Variants in UCK2 observed in about 807,000 individuals in gnomAD.
UCK2 encodes the protein cytidine monophosphokinase 2.
Under a neutral mutation model 30.8 loss-of-function variants are expected in UCK2, and 6 were observed. The ratio of observed to expected loss-of-function variants is 0.19; its 90% CI spans 0.11 to 0.38. The LOEUF (loss-of-function observed/expected upper bound fraction) is 0.38. Ranked by LOEUF, UCK2 falls within the 10% of genes least tolerant of loss-of-function variation. The pLI is 1.00. For synonymous variants in UCK2, 125 were observed against 133.6 expected, an observed-to-expected ratio of 0.94 and a Z score of 0.45; for missense variants, 210 against 339.8, an observed-to-expected ratio of 0.62 and a Z score of 3.00.
chr1:165,866,973 C>T (rs931351689), intron 1 of UCK2, among the ~76,000 whole-genome samples: 15 of 151,986 alleles, frequency 9.9e-5, no homozygotes, highest in African/African-American at 3.1e-4. Context: ...ACACATACCT[C>T]GGAGATATTG....
intron 1 of UCK2, among the ~76,000 whole-genome samples, chr1:165,840,778 C>T (rs1654308412): frequency 6.6e-6 from 1 of 152,074 alleles, no homozygotes; most frequent in Admixed American, 6.5e-5. Context: ...TGCCTTTTTC[C>T]TAAAGGAGTT....
At chr1:165,862,397 AGGCAGAG>A (rs1444163263) in intron 1 of UCK2, among the ~76,000 whole-genome samples, 1 of 152,200 alleles carries the variant, frequency 6.6e-6, no homozygotes, top group East Asian at 1.9e-4. Context: ...TGTAGGCACA[AGGCAGAG>A]GCGAATGAAG....
At chr1:165,850,207 C>T (rs1390379382) in intron 1 of UCK2, among the ~76,000 whole-genome samples, 2 of 151,954 alleles carry the variant, frequency 1.3e-5, no homozygotes, top group African/African-American at 2.4e-5. Flanking sequence ...CTTGGCTCAC[C>T]ACAGCCTCCA....
chr1:165,905,944 C>T lies in UCK2; in HGVS notation c.621C>T (p.Ile207=). The T allele has an allele frequency of 6.8e-6, 11 of 1,613,984 alleles. No individual in the cohort carries two copies. Among genetic ancestry groups the T allele is most frequent in the Admixed American group, 1.7e-5 (1 of 60,020 alleles). The change falls in exon 6 of 7, where the codon ATC becomes ATT. Residue 207 remains isoleucine, a synonymous_variant. Coordinates refer to ENST00000367879, the MANE Select transcript of UCK2 (RefSeq NM_012474.5). ...CLPTKKYADV[I]IPRGADNLVA... ...AGACAAAGAAGTATGCTGATGTGAT[C>T]ATCCCTAGAGGTGCAGATAATCTGG...
intron 1 of UCK2, among the ~76,000 whole-genome samples, chr1:165,849,389 G>A (rs1654536539): frequency 2.6e-5 from 4 of 152,174 alleles, no homozygotes. Context: ...GCTCCGATCT[G>A]GGAAAGAGTG....
intron 1 of UCK2, among the ~76,000 whole-genome samples, chr1:165,830,581 T>C (rs1358532337): frequency 6.6e-6 from 1 of 151,818 alleles, no homozygotes; most frequent in Non-Finnish European, 1.5e-5. Context: ...CGCCTCGGCC[T>C]CCCAAAGTGC....
intron 6 of UCK2, 152 bp downstream of exon 6, chr1:165,906,121 G>A (rs1647650079): frequency 5.6e-6 from 4 of 717,390 alleles, no homozygotes; most frequent in Admixed American, 4.6e-5. Flanking sequence ...CCACCTACAC[G>A]TCTGGCCTCA....
chr1:165,884,412 C>T (rs1261740189), intron 1 of UCK2, among the ~76,000 whole-genome samples: 1 of 152,158 alleles, frequency 6.6e-6, no homozygotes. Context: ...AAATGTTGGG[C>T]AGCATGGTTA....
At chr1:165,837,578 A>C (rs1008959450) in intron 1 of UCK2, among the ~76,000 whole-genome samples, 2 of 152,126 alleles carry the variant, frequency 1.3e-5, no homozygotes, top group Non-Finnish European at 2.9e-5. Flanking sequence ...ATGTTGCCAA[A>C]GCATCCTAAA....
intron 1 of UCK2, among the ~76,000 whole-genome samples, chr1:165,872,477 A>G (rs1167920360): frequency 6.6e-6 from 1 of 152,260 alleles, no homozygotes; most frequent in African/African-American, 2.4e-5. Context: ...GAAATAGTAC[A>G]TTATATATAA....
At chr1:165,896,460 G>A (rs529421408) in intron 4 of UCK2, 128 bp downstream of exon 4, 33 of 1,047,856 alleles carry the variant, frequency 3.1e-5, no homozygotes, top group Middle Eastern at 3.1e-4. Flanking sequence ...GCTGTGTGTC[G>A]CATGGTCCAG....
At chr1:165,871,403 A>G (rs1199814475) in intron 1 of UCK2, among the ~76,000 whole-genome samples, 1 of 152,178 alleles carries the variant, frequency 6.6e-6, no homozygotes, top group Non-Finnish European at 1.5e-5. Context: ...TGTGGGCTAG[A>G]GGGTTGAAAG....
At chr1:165,842,677 C>T (rs911920459) in intron 1 of UCK2, among the ~76,000 whole-genome samples, 1 of 152,204 alleles carries the variant, frequency 6.6e-6, no homozygotes, top group East Asian at 1.9e-4. Context: ...CAATCTGGAC[C>T]ACCTCCAAAA....
Position 165,867,237 on chromosome 1 carries a change from CT to C in UCK2, c.100-22962del, listed in dbSNP as rs1320511026. 2.0e-5 allele frequency among the ~76,000 whole-genome samples: 3 copies of C among 152,260 alleles called. No homozygotes were observed. In the East Asian group the frequency reaches 5.8e-4, roughly 29 times the overall value. On this transcript the variant is annotated intron_variant, in intron 1 of 6. Coordinates refer to ENST00000367879, the MANE Select transcript of UCK2 (RefSeq NM_012474.5). ...ATCTGAGCCTTCAGCAAGTTGTAAT[CT>C]TTTTGCTGGTGGAGTGTCTTGCCTC...
intron 1 of UCK2, among the ~76,000 whole-genome samples, chr1:165,839,529 G>A (rs1028851809): frequency 6.6e-6 from 1 of 152,132 alleles, no homozygotes; most frequent in Non-Finnish European, 1.5e-5. Context: ...TCTTGGTGGA[G>A]TTTAAGGTGT....
chr1:165,884,794 T>C (rs780108191), intron 1 of UCK2, among the ~76,000 whole-genome samples: 2 of 152,196 alleles, frequency 1.3e-5, no homozygotes, highest in Non-Finnish European at 2.9e-5. Flanking sequence ...CTATGCTGGC[T>C]CAACAGCTGC....
chr1:165,831,061 T>C (rs1030215286), intron 1 of UCK2, among the ~76,000 whole-genome samples: 1 of 152,022 alleles, frequency 6.6e-6, no homozygotes, highest in African/African-American at 2.4e-5. Context: ...TGAGCTGTGA[T>C]TGTGCCACTA....
At chr1:165,834,236 A>G (rs922865505) in intron 1 of UCK2, among the ~76,000 whole-genome samples, 2 of 152,198 alleles carry the variant, frequency 1.3e-5, no homozygotes, top group African/African-American at 2.4e-5. Context: ...AAAAGATCCA[A>G]GTAGAGGAAA....
chr1:165,860,463 T>G (rs111331090), intron 1 of UCK2, among the ~76,000 whole-genome samples: 1 of 152,128 alleles, frequency 6.6e-6, no homozygotes, highest in Non-Finnish European at 1.5e-5. Flanking sequence ...GGGTCTCACT[T>G]TTTGAGACGG....
Sources: allele counts gnomAD v4.1 joint callset (sites outside exome capture counted in the v4.1 genomes callset), GRCh38; gene constraint gnomAD v4.1.1; transcripts MANE v1.5; gene names NCBI Gene and HGNC (gene_info 2026-07-23, HGNC 2026-07-21).